The following PDGFC variants were observed in gnomAD, a reference collection of about 807,000 sequenced individuals.
PDGFC encodes platelet-derived growth factor C.
PDGFC carries 12 observed loss-of-function variants against 35.5 expected under a neutral mutation model. That is an observed-to-expected ratio of 0.34 (90% CI 0.22 to 0.55). The LOEUF (loss-of-function observed/expected upper bound fraction) is 0.55, where lower values mean the gene tolerates loss of function less well. Among genes scored for constraint, PDGFC ranks in the 20% least tolerant of loss-of-function variants. The probability of loss-of-function intolerance (pLI) is 0.91; values close to 1 mark genes in which losing one functional copy is unlikely to be tolerated. For synonymous variants in PDGFC, 159 were observed against 148.8 expected, an observed-to-expected ratio of 1.07 and a Z score of -0.50; for missense variants, 322 against 412.4, an observed-to-expected ratio of 0.78 and a Z score of 1.90.
chr4:156,826,796 A>G (rs915928904), intron 2 of PDGFC, among the ~76,000 whole-genome samples: 4 of 152,202 alleles, frequency 2.6e-5, no homozygotes, highest in African/African-American at 9.7e-5. Flanking sequence ...GAAAATATTT[A>G]AACAGCTGAC....
intron 1 of PDGFC, among the ~76,000 whole-genome samples, chr4:156,937,350 G>C (rs188025831): frequency 6.6e-6 from 1 of 152,074 alleles, no homozygotes; most frequent in Non-Finnish European, 1.5e-5. Flanking sequence ...ATTTCTTCTG[G>C]AGACCACCAC....
intron 2 of PDGFC, among the ~76,000 whole-genome samples, chr4:156,820,630 G>C (rs1436938567): frequency 6.6e-6 from 1 of 152,038 alleles, no homozygotes; most frequent in African/African-American, 2.4e-5. Flanking sequence ...TATCTCCAAG[G>C]TACGCCTGTA....
intron 1 of PDGFC, among the ~76,000 whole-genome samples, chr4:156,859,976 T>C (rs1403828002): frequency 1.3e-5 from 2 of 152,122 alleles, no homozygotes; most frequent in Non-Finnish European, 2.9e-5. Flanking sequence ...ACTAGCAAAA[T>C]TCTTCAGCAA....
At chr4:156,912,820 A>G (rs773930445) in intron 1 of PDGFC, among the ~76,000 whole-genome samples, 12 of 151,976 alleles carry the variant, frequency 7.9e-5, no homozygotes, top group Non-Finnish European at 1.6e-4. Context: ...GTGGGATGCA[A>G]CACAGACTAC....
At chr4:156,864,110 G>T (rs188294833) in intron 1 of PDGFC, among the ~76,000 whole-genome samples, 271 of 151,980 alleles carry the variant, frequency 1.8e-3, no homozygotes, top group African/African-American at 6.1e-3. Context: ...ATAAATATTT[G>T]CTGACTGGCT....
intron 1 of PDGFC, among the ~76,000 whole-genome samples, chr4:156,935,217 C>T (rs770017670): frequency 3.9e-5 from 6 of 152,066 alleles, no homozygotes; most frequent in East Asian, 1.9e-4. Flanking sequence ...AGGATGGTCT[C>T]GATCTCTTGA....
At chr4:156,785,254 T>C (rs1731091146) in intron 3 of PDGFC, among the ~76,000 whole-genome samples, 1 of 152,134 alleles carries the variant, frequency 6.6e-6, no homozygotes, top group Non-Finnish European at 1.5e-5. Flanking sequence ...GTGTGTGGAG[T>C]ACAGTGGCGC....
At position 156,911,392 on chromosome 4, in the gene PDGFC, C is replaced by T. The variant is rs140695264; in HGVS notation, c.118+59394G>A. Among the ~76,000 whole-genome samples, 1,213 of 152,146 alleles carry T rather than the reference C, an allele frequency of 8.0e-3. 18 individuals carry two copies. Among genetic ancestry groups the T allele is most frequent in the Admixed American group, 0.039 (591 of 15,278 alleles). On this transcript the variant is annotated intron_variant, in intron 1 of 5. Coordinates refer to ENST00000502773, the MANE Select transcript of PDGFC (RefSeq NM_016205.3). The stretch of plus-strand genomic sequence containing the variant: ...ACAAATTCCCCCTATTCCTTGACTA[C>T]ACTGAACTATTTCCCTTCTCTTTCG...
At chr4:156,840,651 G>T (rs1011624677) in intron 2 of PDGFC, among the ~76,000 whole-genome samples, 2 of 152,174 alleles carry the variant, frequency 1.3e-5, no homozygotes, top group East Asian at 3.9e-4. Flanking sequence ...TCCATCAACA[G>T]CTTGCACTGT....
At chr4:156,765,121 T>C (rs1393553171) in intron 5 of PDGFC, among the ~76,000 whole-genome samples, 2 of 152,212 alleles carry the variant, frequency 1.3e-5, no homozygotes, top group Non-Finnish European at 2.9e-5. Context: ...GAAGAATCTC[T>C]TATGTTCTAG....
intron 1 of PDGFC, among the ~76,000 whole-genome samples, chr4:156,861,808 A>G (rs1430832932): frequency 1.3e-5 from 2 of 152,144 alleles, no homozygotes; most frequent in African/African-American, 4.8e-5. Context: ...TAACTCAACT[A>G]ATAGCTATTG....
intron 2 of PDGFC, among the ~76,000 whole-genome samples, chr4:156,828,474 G>T (rs1728841045): frequency 6.6e-6 from 1 of 152,102 alleles, no homozygotes; most frequent in African/African-American, 2.4e-5. Flanking sequence ...TTCTAGGAAA[G>T]AAATTTACCT....
rs896883808 is a variant in PDGFC, at chr4:156,971,408, G to C, written c.-505C>G. Reference sequence around the variant, plus strand: ...GGCTCTCCGGGCGCCCCTCTCCCCCGCCCCACCCCCCACCCCCGAAGGGGG... The same window carrying C: ...GGCTCTCCGGGCGCCCCTCTCCCCCCCCCCACCCCCCACCCCCGAAGGGGG... On this transcript the variant is annotated 5_prime_UTR_variant, in exon 1 of 6. Transcript: ENST00000502773. 4 of 300,840 alleles carry C rather than the reference G, an allele frequency of 1.3e-5. No homozygotes were observed. The highest frequency in any genetic ancestry group is 8.9e-5 in the African/African-American group (4 of 45,004). 18.6% of individuals were successfully genotyped at this position (300,840 alleles called of 1,614,324 possible).
intron 3 of PDGFC, among the ~76,000 whole-genome samples, chr4:156,791,320 C>A (rs1364248494): frequency 6.6e-6 from 1 of 152,156 alleles, no homozygotes; most frequent in Admixed American, 6.6e-5. Flanking sequence ...GAATTGCCAT[C>A]ATTCCTGTAA....
At chr4:156,890,606 A>G (rs941079189) in intron 1 of PDGFC, among the ~76,000 whole-genome samples, 4 of 152,160 alleles carry the variant, frequency 2.6e-5, no homozygotes, top group African/African-American at 9.7e-5. Flanking sequence ...ACCGGGGTTC[A>G]TGCACCCTCT....
At chr4:156,835,097 C>T (rs558211290) in intron 2 of PDGFC, among the ~76,000 whole-genome samples, 1 of 152,192 alleles carries the variant, frequency 6.6e-6, no homozygotes, top group East Asian at 1.9e-4. Flanking sequence ...GAGAGGGCTG[C>T]TACAGAAGTG....
intron 1 of PDGFC, among the ~76,000 whole-genome samples, chr4:156,940,357 T>C (rs1560882968): frequency 6.6e-6 from 1 of 152,134 alleles, no homozygotes; most frequent in Non-Finnish European, 1.5e-5. Flanking sequence ...TAAATATAGG[T>C]TATGAAATAT....
At chr4:156,951,135 A>T (rs1423685227) in intron 1 of PDGFC, among the ~76,000 whole-genome samples, 5 of 151,944 alleles carry the variant, frequency 3.3e-5, no homozygotes, top group African/African-American at 1.2e-4. Flanking sequence ...AAGGTTCTAG[A>T]TCCTGAAGAT....
intron 2 of PDGFC, among the ~76,000 whole-genome samples, chr4:156,830,141 A>AT (rs1728892313): frequency 6.6e-6 from 1 of 152,128 alleles, no homozygotes; most frequent in Non-Finnish European, 1.5e-5. Flanking sequence ...AATTATAAGT[A>AT]TTTTTATATA....
Sources: allele counts gnomAD v4.1 joint callset (sites outside exome capture counted in the v4.1 genomes callset), GRCh38; gene constraint gnomAD v4.1.1; transcripts MANE v1.5; gene names NCBI Gene and HGNC (gene_info 2026-07-23, HGNC 2026-07-21).